IL18R1: variants seen among roughly 807,000 people sequenced by gnomAD.
IL18R1 encodes interleukin-18 receptor 1.
IL18R1 carries 40 observed loss-of-function variants against 48.5 expected under a neutral mutation model. The ratio of observed to expected loss-of-function variants is 0.82; its 90% CI spans 0.64 to 1.07. IL18R1 has a LOEUF of 1.07. Among genes scored for constraint, IL18R1 ranks in the 50% least tolerant of loss-of-function variants. IL18R1 has a pLI of 0.00. For synonymous variants in IL18R1, 232 were observed against 225.9 expected (o/e 1.03, Z -0.24); for missense variants, 596 against 633.7 (o/e 0.94, Z 0.64).
intron 8 of IL18R1, among the ~76,000 whole-genome samples, chr2:102,387,868 CAGAA>C (rs1680329604): frequency 6.6e-6 from 1 of 150,694 alleles, no homozygotes; most frequent in South Asian, 2.1e-4. Flanking sequence ...GAGATGAAGA[CAGAA>C]AGAGAAAGAG....
chr2:102,394,398 A>G, intron 9 of IL18R1, 71 bp from the exon 10 acceptor site: 1 of 1,260,460 alleles, frequency 7.9e-7, no homozygotes, highest in South Asian at 1.4e-5. Flanking sequence ...TACTTACGAC[A>G]TTCACTTAAG....
Position 102,385,110 on chromosome 2 carries a change from T to A in IL18R1, c.809+112T>A, listed in dbSNP as rs184063962. 5.5e-3 allele frequency: 2,936 copies of A among 530,406 alleles called. 115 individuals are homozygous for A. The highest frequency in any genetic ancestry group is 1.1e-3 in the Non-Finnish European group (349 of 322,072). 32.9% of individuals were successfully genotyped at this position (530,406 alleles called of 1,614,324 possible). On this transcript the variant is annotated intron_variant, in intron 7 of 10. Coordinates refer to ENST00000233957, the MANE Select transcript of IL18R1 (RefSeq NM_003855.5). ...GGCTGATGTGTATTTTGGGCTAGTTTAAATTATAATTATAATGGACATATT... is the reference window on the plus strand; with the variant it reads ...GGCTGATGTGTATTTTGGGCTAGTTAAAATTATAATTATAATGGACATATT...
At chr2:102,370,238 G>A (rs977946782) in intron 3 of IL18R1, among the ~76,000 whole-genome samples, 9 of 152,210 alleles carry the variant, frequency 5.9e-5, no homozygotes, top group Admixed American at 6.5e-5. Flanking sequence ...TGCACATGGA[G>A]TGTCATCAGT....
Position 102,397,760 on chromosome 2 carries a change from T to A in IL18R1, c.*874T>A, listed in dbSNP as rs1680898026. 6.6e-6 allele frequency: 1 copy of A among 152,358 alleles called. No homozygotes were observed. Among genetic ancestry groups the A allele is most frequent in the South Asian group, 2.1e-4 (1 of 4,836 alleles). The allele number at this position is 152,358 out of a possible 1,614,324, so 9.4% of individuals were successfully genotyped here. The stretch of plus-strand genomic sequence containing the variant: ...TTACATATTAAAAATGCCCTTGGCA[T>A]AAGGCAGCATGGTGTGGCAGTTAAG... On this transcript the variant is annotated 3_prime_UTR_variant, in exon 11 of 11. Transcript: ENST00000233957.
intron 1 of IL18R1, among the ~76,000 whole-genome samples, chr2:102,358,417 A>G (rs1420385253): frequency 6.6e-6 from 1 of 151,480 alleles, no homozygotes; most frequent in Non-Finnish European, 1.5e-5. Flanking sequence ...TTTGAAGGAA[A>G]CTTTTTTTTT....
intron 9 of IL18R1, among the ~76,000 whole-genome samples, chr2:102,391,671 C>T (rs1680573859): frequency 6.6e-6 from 1 of 152,194 alleles, no homozygotes; most frequent in Non-Finnish European, 1.5e-5. Context: ...TGTCAATTCA[C>T]CCTCCCTACT....
chr2:102,377,089 C>T (rs1679632686), intron 5 of IL18R1, among the ~76,000 whole-genome samples: 1 of 152,158 alleles, frequency 6.6e-6, no homozygotes, highest in Non-Finnish European at 1.5e-5. Flanking sequence ...AACTGTAACA[C>T]TTGTGTGGGT....
intron 5 of IL18R1, among the ~76,000 whole-genome samples, chr2:102,378,708 A>G (rs1249059286): frequency 6.6e-6 from 1 of 152,234 alleles, no homozygotes; most frequent in African/African-American, 2.4e-5. Flanking sequence ...TTGGATACCT[A>G]CAATTGGCAC....
At chr2:102,384,268 A>G (rs1449154926) in intron 6 of IL18R1, among the ~76,000 whole-genome samples, 1 of 152,218 alleles carries the variant, frequency 6.6e-6, no homozygotes, top group African/African-American at 2.4e-5. Flanking sequence ...TGCAAGTGAT[A>G]TCATACAGCC....
intron 7 of IL18R1, among the ~76,000 whole-genome samples, chr2:102,386,344 G>A (rs1040008137): frequency 1.3e-5 from 2 of 152,204 alleles, no homozygotes; most frequent in Non-Finnish European, 2.9e-5. Flanking sequence ...GACACTCATG[G>A]AACAACTTAA....
At chr2:102,387,059 T>C (rs2105111318) in intron 8 of IL18R1, 59 bp downstream of exon 8, 1 of 1,533,422 alleles carries the variant, frequency 6.5e-7, no homozygotes, top group Admixed American at 1.9e-5. Context: ...TGAGAGACAT[T>C]TCAAAGATGG....
At chr2:102,381,408 A>G (rs1679909605) in intron 5 of IL18R1, among the ~76,000 whole-genome samples, 2 of 152,204 alleles carry the variant, frequency 1.3e-5, no homozygotes, top group African/African-American at 4.8e-5. Context: ...AGTTGAATTG[A>G]GCAGAAGCTG....
At chr2:102,359,395 A>G (rs993161415) in intron 1 of IL18R1, among the ~76,000 whole-genome samples, 6 of 152,246 alleles carry the variant, frequency 3.9e-5, no homozygotes, top group Non-Finnish European at 2.9e-5. Flanking sequence ...TCTCAAAGCA[A>G]AAGAATGATC....
rs764586531 is a variant in IL18R1 at position 102,396,712 on chromosome 2, C to A, written c.1452C>A (p.Phe484Leu). 14 of 1,614,138 alleles carry A rather than the reference C, an allele frequency of 8.7e-6. No homozygotes were observed. Among genetic ancestry groups the A allele is most frequent in the Admixed American group, 1.7e-5 (1 of 60,026 alleles). The change falls in exon 11 of 11, where the codon TTC (phenylalanine) becomes TTA (leucine). Residue 484 changes from phenylalanine (F) to leucine (L), a missense_variant. Physicochemically the swap from Phe to Leu is conservative, Grantham distance 22 (BLOSUM62 0). Around this residue, in one of 3 missense-constraint regions of IL18R1, gnomAD observed 179 missense variants for 206.1 expected, o/e 0.87. Coordinates refer to ENST00000233957, the MANE Select transcript of IL18R1 (RefSeq NM_003855.5). ...IEFTPVTDFT[F>L]LPQSLKLLKS... ...TTACACCTGTTACTGACTTCACATTCTTGCCCCAATCACTAAAGCTTTTGA... is the reference window on the plus strand; with the variant it reads ...TTACACCTGTTACTGACTTCACATTATTGCCCCAATCACTAAAGCTTTTGA...
In IL18R1 at chr2:102,372,035, A is replaced by G; in HGVS notation, c.385A>G (p.Ile129Val). 6.2e-7 allele frequency: 1 copy of G among 1,603,068 alleles called. No individual in the cohort carries two copies. The change falls in exon 4 of 11, where the codon ATT becomes GTT. Residue 129 changes from isoleucine to valine, a missense_variant. Transcript: ENST00000233957. ...CACTGAAAGACAAGTAACTAGTAAAATTGTGGAAGTTAAAAAATTTTTTCA... is the reference window on the plus strand; with the variant it reads ...CACTGAAAGACAAGTAACTAGTAAAGTTGTGGAAGTTAAAAAATTTTTTCA... Reference protein sequence around the residue: ...CFTERQVTSKIVEVKKFFQIT... With the variant: ...CFTERQVTSKVVEVKKFFQIT...
At chr2:102,358,224 GT>G (rs1379797602) in intron 1 of IL18R1, among the ~76,000 whole-genome samples, 2 of 152,124 alleles carry the variant, frequency 1.3e-5, no homozygotes, top group Non-Finnish European at 2.9e-5. Context: ...TACATTATGT[GT>G]TTCTGTGAAT....
At chr2:102,370,039 G>T (rs529530798) in intron 3 of IL18R1, among the ~76,000 whole-genome samples, 1 of 152,232 alleles carries the variant, frequency 6.6e-6, no homozygotes, top group Non-Finnish European at 1.5e-5. Flanking sequence ...AGTGGGGGCT[G>T]GTGTTTATCC....
In IL18R1 at chr2:102,372,104, A is replaced by G. The variant is rs1679300342; in HGVS notation, c.454A>G (p.Thr152Ala). The change falls in exon 4 of 11, where the codon ACA becomes GCA. Residue 152 changes from threonine (T) to alanine (A), a missense_variant. By Grantham distance (58) the Thr-to-Ala change is moderately conservative. Transcript: ENST00000233957. ...NSYYQTLVNSTSLYKNCKKLL... is the reference protein window; with the variant it reads ...NSYYQTLVNSASLYKNCKKLL... ...TTACTATCAAACACTGGTCAACAGCACATCATTGTATAAGGTAATGCTTTT... is the reference window on the plus strand; with the variant it reads ...TTACTATCAAACACTGGTCAACAGCGCATCATTGTATAAGGTAATGCTTTT... The G allele has an allele frequency of 6.3e-7, 1 of 1,597,530 alleles. No individual in the cohort carries two copies.
chr2:102,394,156 G>A (rs1290972864), intron 9 of IL18R1, among the ~76,000 whole-genome samples: 1 of 152,028 alleles, frequency 6.6e-6, no homozygotes, highest in African/African-American at 2.4e-5. Context: ...TCCACTCCTG[G>A]AATGAGGACA....
Sources: allele counts gnomAD v4.1 joint callset (sites outside exome capture counted in the v4.1 genomes callset), GRCh38; gene constraint gnomAD v4.1.1; regional missense constraint gnomAD v4.1.1; transcripts MANE v1.5; gene names NCBI Gene and HGNC (gene_info 2026-07-23, HGNC 2026-07-21).